Variants in KCNIP1 observed in about 807,000 individuals in gnomAD.
The protein encoded by KCNIP1 is A-type potassium channel modulatory protein KCNIP1.
KCNIP1 carries 18 observed loss-of-function variants against 33.0 expected under a neutral mutation model. That is an observed-to-expected ratio of 0.55 (90% CI 0.38 to 0.81). KCNIP1 has a LOEUF of 0.81. Among genes scored for constraint, KCNIP1 ranks in the 30% least tolerant of loss-of-function variants. KCNIP1 has a pLI of 0.00. For missense variants in KCNIP1, 238 were observed against 271.6 expected (o/e 0.88, Z 0.87); for synonymous variants, 93 against 98.3 (o/e 0.95, Z 0.32).
intron 1 of KCNIP1, among the ~76,000 whole-genome samples, chr5:170,402,433 A>T (rs532171042): frequency 6.6e-6 from 1 of 152,238 alleles, no homozygotes; most frequent in African/African-American, 2.4e-5. Context: ...ACTCGTGGGA[A>T]GTCCAATATG....
At chr5:170,616,074 T>G (rs1243383638) in intron 1 of KCNIP1, among the ~76,000 whole-genome samples, 1 of 152,186 alleles carries the variant, frequency 6.6e-6, no homozygotes, top group Non-Finnish European at 1.5e-5. Flanking sequence ...TATGGAGTAG[T>G]GGGAATCTGC....
chr5:170,538,986 C>T (rs1318651020), intron 1 of KCNIP1, among the ~76,000 whole-genome samples: 8 of 151,928 alleles, frequency 5.3e-5, no homozygotes, highest in African/African-American at 1.7e-4. Flanking sequence ...TCTATTCCTC[C>T]TTCTGGGGGT....
intron 1 of KCNIP1, among the ~76,000 whole-genome samples, chr5:170,706,387 C>T (rs769909460): frequency 3.2e-4 from 48 of 152,148 alleles, no homozygotes; most frequent in Non-Finnish European, 6.8e-4. Context: ...ATTTCAACAA[C>T]TTCACACTAA....
At chr5:170,479,905 A>C (rs1391941124) in intron 1 of KCNIP1, among the ~76,000 whole-genome samples, 1 of 152,264 alleles carries the variant, frequency 6.6e-6, no homozygotes, top group Non-Finnish European at 1.5e-5. Flanking sequence ...TCAAAAACTT[A>C]TTAAAAATTG....
At chr5:170,510,068 T>A (rs1031303698) in intron 1 of KCNIP1, among the ~76,000 whole-genome samples, 2 of 152,172 alleles carry the variant, frequency 1.3e-5, no homozygotes, top group African/African-American at 4.8e-5. Context: ...TTCCTCATCC[T>A]CCCTCTTCCT....
At chr5:170,697,553 C>T (rs573197636) in intron 1 of KCNIP1, among the ~76,000 whole-genome samples, 1 of 152,240 alleles carries the variant, frequency 6.6e-6, no homozygotes, top group South Asian at 2.1e-4. Flanking sequence ...GAAATTGAGT[C>T]CCCCAGAGGT....
At chr5:170,363,247 G>A (rs945658425) in intron 1 of KCNIP1, among the ~76,000 whole-genome samples, 7 of 152,200 alleles carry the variant, frequency 4.6e-5, no homozygotes, top group South Asian at 2.1e-4. Flanking sequence ...CTTTGAACAC[G>A]CCTGGTCAAA....
At chr5:170,385,042 A>G (rs1262177131) in intron 1 of KCNIP1, among the ~76,000 whole-genome samples, 1 of 152,034 alleles carries the variant, frequency 6.6e-6, no homozygotes, top group Admixed American at 6.5e-5. Flanking sequence ...ATTCTTTGCT[A>G]TTTCTTCTGA....
chr5:170,553,546 G>A (rs938596178), intron 1 of KCNIP1, among the ~76,000 whole-genome samples: 1 of 152,180 alleles, frequency 6.6e-6, no homozygotes, highest in Non-Finnish European at 1.5e-5. Context: ...TCATGAGCTG[G>A]CACAGTGGAA....
intron 1 of KCNIP1, among the ~76,000 whole-genome samples, chr5:170,440,562 T>G (rs1379732038): frequency 3.3e-5 from 5 of 152,032 alleles, no homozygotes; most frequent in Non-Finnish European, 7.4e-5. Flanking sequence ...TCCAGGAGCA[T>G]GAGGATGCTG....
intron 1 of KCNIP1, chr5:170,383,409 C>T: frequency 1.7e-6 from 1 of 601,986 alleles, no homozygotes; most frequent in Admixed American, 2.9e-5. Flanking sequence ...CAAGGTGCAG[C>T]ATTAGCATTC....
intron 1 of KCNIP1, among the ~76,000 whole-genome samples, chr5:170,458,840 T>C (rs1038601177): frequency 1.3e-5 from 2 of 152,136 alleles, no homozygotes; most frequent in Non-Finnish European, 2.9e-5. Context: ...GCATGAAGAA[T>C]GTAATGGTAC....
At chr5:170,545,383 TG>T (rs1756375117) in intron 1 of KCNIP1, among the ~76,000 whole-genome samples, 1 of 152,182 alleles carries the variant, frequency 6.6e-6, no homozygotes, top group Non-Finnish European at 1.5e-5. Flanking sequence ...GAGGGCTTGG[TG>T]GGCTTCTTGA....
intron 1 of KCNIP1, among the ~76,000 whole-genome samples, chr5:170,568,648 TAA>T (rs33992187): frequency 0.012 from 510 of 43,708 alleles, 10 homozygotes; most frequent in African/African-American, 0.029. Flanking sequence ...CCGTTTCTAC[TAA>T]AAAAAAAAAA....
chr5:170,648,038 A>G (rs975016485), intron 1 of KCNIP1, among the ~76,000 whole-genome samples: 3 of 152,214 alleles, frequency 2.0e-5, no homozygotes, highest in Non-Finnish European at 4.4e-5. Flanking sequence ...TGCTCCACAT[A>G]TGTCATTAGG....
chr5:170,712,789 C>A, intron 1 of KCNIP1: 4 of 1,512,380 alleles, frequency 2.6e-6, no homozygotes, highest in Non-Finnish European at 3.7e-6. Context: ...TCTCCATTGA[C>A]AATAAAAGTG....
chr5:170,381,435 A>G (rs1764235786), intron 1 of KCNIP1, among the ~76,000 whole-genome samples: 1 of 152,222 alleles, frequency 6.6e-6, no homozygotes, highest in Non-Finnish European at 1.5e-5. Context: ...GGGTGGGATG[A>G]GAGTCTTCTT....
chr5:170,612,191 G>A (rs1175600869), intron 1 of KCNIP1, among the ~76,000 whole-genome samples: 1 of 152,174 alleles, frequency 6.6e-6, no homozygotes, highest in Non-Finnish European at 1.5e-5. Context: ...AGGCTTGCAC[G>A]CACGAGGGGC....
At chr5:170,579,369 G>A (rs1757712203) in intron 1 of KCNIP1, among the ~76,000 whole-genome samples, 1 of 152,134 alleles carries the variant, frequency 6.6e-6, no homozygotes, top group Admixed American at 6.5e-5. Context: ...ACCCCAAATA[G>A]TTATGATGAA....
Sources: allele counts gnomAD v4.1 joint callset (sites outside exome capture counted in the v4.1 genomes callset), GRCh38; gene constraint gnomAD v4.1.1; transcripts MANE v1.5; gene names NCBI Gene and HGNC (gene_info 2026-07-23, HGNC 2026-07-21).